UEVLD: variants seen among roughly 807,000 people sequenced by gnomAD.
UEVLD encodes the protein UEV and lactate/malate dehyrogenase domains.
UEVLD carries 47 observed loss-of-function variants against 58.6 expected under a neutral mutation model. That is an observed-to-expected ratio of 0.80 (90% CI 0.63 to 1.02). UEVLD has a LOEUF of 1.02. UEVLD is among the 50% of genes least tolerant of loss of function. UEVLD has a pLI of 0.00. For missense variants in UEVLD, 510 were observed against 550.6 expected (o/e 0.93, Z 0.74); for synonymous variants, 197 against 195.3 (o/e 1.01, Z -0.07).
At chr11:18,559,871 T>C (rs141322793) in intron 6 of UEVLD, among the ~76,000 whole-genome samples, 139 of 152,190 alleles carry the variant, frequency 9.1e-4, no homozygotes, top group African/African-American at 3.2e-3. Context: ...TTCAAAGTAG[T>C]AGGAGACTTG....
chr11:18,570,168 TAAAA>T, intron 4 of UEVLD, 42 bp downstream of exon 4: 2 of 1,380,268 alleles, frequency 1.4e-6, no homozygotes, highest in Non-Finnish European at 2.0e-6. Flanking sequence ...GATAGGTATT[TAAAA>T]AAAAAAAAAA....
chr11:18,586,406 G>A (rs1312325629), intron 1 of UEVLD, among the ~76,000 whole-genome samples: 2 of 152,004 alleles, frequency 1.3e-5, no homozygotes, highest in African/African-American at 4.8e-5. Context: ...TAGTAGAGAT[G>A]GGGTTTCACC....
intron 11 of UEVLD, among the ~76,000 whole-genome samples, chr11:18,533,575 C>G (rs997620578): frequency 1.3e-5 from 2 of 151,938 alleles, no homozygotes; most frequent in African/African-American, 4.8e-5. Context: ...TCTGGGGTGA[C>G]TTGGCTGGCT....
chr11:18,577,158 G>A (rs906213079), intron 2 of UEVLD, among the ~76,000 whole-genome samples: 1 of 152,120 alleles, frequency 6.6e-6, no homozygotes, highest in Non-Finnish European at 1.5e-5. Flanking sequence ...ACTGCAGCCT[G>A]GGCAAACAGA....
intron 3 of UEVLD, among the ~76,000 whole-genome samples, chr11:18,574,289 G>A (rs762743556): frequency 4.6e-5 from 7 of 152,194 alleles, no homozygotes; most frequent in Non-Finnish European, 8.8e-5. Context: ...TTACAGGCAC[G>A]TGCCATCAGG....
intron 1 of UEVLD, among the ~76,000 whole-genome samples, chr11:18,584,944 T>C (rs1853463473): frequency 6.6e-6 from 1 of 152,196 alleles, no homozygotes. Context: ...TTATTGGTTC[T>C]AATATTGATT....
rs936414907 is a variant in UEVLD, at chr11:18,536,592, A to G, written c.1061-123T>C. The G allele has an allele frequency of 2.1e-5, 17 of 795,048 alleles. No individual in the cohort carries two copies. The African/African-American group carries it at 3.0e-4, about 14-fold the overall frequency. 49.2% of individuals were successfully genotyped at this position (795,048 alleles called of 1,614,324 possible). Reference sequence around the variant, plus strand: ...TTTATATAGAAGTTTTCTCATTTCTAGCAAGTTAGATTTTTCCACTGGATA... The same window carrying G: ...TTTATATAGAAGTTTTCTCATTTCTGGCAAGTTAGATTTTTCCACTGGATA... On this transcript the variant is annotated intron_variant, in intron 9 of 11. Transcript: ENST00000396197.
chr11:18,580,035 CTTTTT>C (rs140542993), intron 1 of UEVLD, among the ~76,000 whole-genome samples: 5 of 85,436 alleles, frequency 5.9e-5, no homozygotes, highest in East Asian at 7.9e-4. Context: ...TCCCAGCTGG[CTTTTT>C]TTTTTTTTTT....
chr11:18,583,786 C>T (rs1207891560), intron 1 of UEVLD, among the ~76,000 whole-genome samples: 5 of 151,132 alleles, frequency 3.3e-5, no homozygotes, highest in Non-Finnish European at 5.9e-5. Context: ...CTCAGCCTCT[C>T]GAGTAGCTGG....
At chr11:18,554,026 T>G (rs1042935220) in intron 7 of UEVLD, among the ~76,000 whole-genome samples, 1 of 152,176 alleles carries the variant, frequency 6.6e-6, no homozygotes, top group Non-Finnish European at 1.5e-5. Flanking sequence ...ATATATACTA[T>G]TATATGCAAA....
At chr11:18,540,501 A>G (rs914307061) in intron 9 of UEVLD, among the ~76,000 whole-genome samples, 3 of 152,210 alleles carry the variant, frequency 2.0e-5, no homozygotes, top group African/African-American at 7.2e-5. Flanking sequence ...CAAGAAGAGT[A>G]GAAGACAGAA....
intron 9 of UEVLD, among the ~76,000 whole-genome samples, chr11:18,542,688 C>A (rs917138587): frequency 6.6e-6 from 1 of 151,980 alleles, no homozygotes; most frequent in African/African-American, 2.4e-5. Flanking sequence ...ACCTAGATAT[C>A]ATCAATGTTA....
At chr11:18,545,075 T>TATATATATA (rs60959151) in intron 8 of UEVLD, among the ~76,000 whole-genome samples, 13 of 117,230 alleles carry the variant, frequency 1.1e-4, no homozygotes, top group African/African-American at 3.9e-4. Flanking sequence ...TATATCTATA[T>TATATATATA]TTTTTTTTTT....
rs566292565 is a variant in UEVLD at position 18,533,995 on chromosome 11, C to T, written c.1248+335G>A. Among the ~76,000 whole-genome samples the T allele has an allele frequency of 3.3e-5, 5 of 152,322 alleles. 1 individual carries two copies. The highest frequency in any genetic ancestry group is 1.2e-4 in the African/African-American group (5 of 41,574). On this transcript the variant is annotated intron_variant, in intron 11 of 11. Coordinates refer to ENST00000396197, the MANE Select transcript of UEVLD (RefSeq NM_001040697.4). ...ACAGGGATTCGCTGTGTTGTCCATG[C>T]TGGAGTCCAGTGACATGATCATGGC...
intron 2 of UEVLD, among the ~76,000 whole-genome samples, chr11:18,577,871 CAAAAAAAAAA>C (rs550091645): frequency 9.0e-5 from 6 of 66,780 alleles, no homozygotes; most frequent in Non-Finnish European, 1.9e-4. Context: ...GACTCCATCT[CAAAAAAAAAA>C]AAAAAAAAAG....
rs1211629072 is a variant in UEVLD, at chr11:18,560,136, CACAGAGAG to C, written c.613-1814_613-1807del. Among the ~76,000 whole-genome samples the C allele has an allele frequency of 6.3e-5, 5 of 79,462 alleles. No homozygotes were observed. The East Asian group carries it at 1.8e-3, about 28-fold the overall frequency. 52.1% of individuals were successfully genotyped at this position (79,462 alleles called of 152,430 possible). Reference sequence around the variant, plus strand: ...ACACACACACACACACACACACACACACAGAGAGAGAAAGAAAATAACCCTGCTACACT... The same window carrying C: ...ACACACACACACACACACACACACACAGAAAGAAAATAACCCTGCTACACT... On this transcript the variant is annotated intron_variant, in intron 6 of 11. Coordinates refer to ENST00000396197, the MANE Select transcript of UEVLD (RefSeq NM_001040697.4).
intron 7 of UEVLD, among the ~76,000 whole-genome samples, chr11:18,549,339 C>A (rs1287898581): frequency 1.3e-5 from 2 of 152,182 alleles, no homozygotes; most frequent in Non-Finnish European, 2.9e-5. Context: ...GTGATTATTT[C>A]TTTTCTTTGC....
intron 2 of UEVLD, 27 bp downstream of exon 2, chr11:18,578,697 A>G (rs772687973): frequency 1.9e-5 from 30 of 1,540,456 alleles, no homozygotes; most frequent in Middle Eastern, 1.7e-4. Flanking sequence ...ATAATGCAGC[A>G]TTTAAACTAG....
At position 18,584,834 on chromosome 11, in the gene UEVLD, T is replaced by C. The variant is rs1853457640; in HGVS notation, c.42+3779A>G. 2.0e-5 allele frequency among the ~76,000 whole-genome samples: 3 copies of C among 152,160 alleles called. No homozygotes were observed. The South Asian group carries it at 6.2e-4, about 32-fold the overall frequency. ...TTTTAGTAGAGACAGGGTTTCACTA[T>C]GTTGGCCAGGCTGGTCTTGAATTCC... On this transcript the variant is annotated intron_variant, in intron 1 of 11. Transcript: ENST00000396197.
Sources: gnomAD v4.1 joint callset for allele counts (sites outside exome capture counted in the v4.1 genomes callset) on GRCh38, gnomAD v4.1.1 for gene constraint, MANE v1.5 for transcripts, NCBI Gene and HGNC (gene_info 2026-07-23, HGNC 2026-07-21) for gene names.